DISC1: variants seen among roughly 807,000 people sequenced by gnomAD.
DISC1 encodes disrupted in schizophrenia 1 protein.
DISC1 carries 57 observed loss-of-function variants against 84.5 expected under a neutral mutation model. The ratio of observed to expected loss-of-function variants is 0.67; its 90% confidence interval spans 0.55 to 0.84. DISC1 has a LOEUF of 0.84. Among genes scored for constraint, DISC1 ranks in the 40% least tolerant of loss-of-function variants. DISC1 has a pLI of 0.00. For synonymous variants in DISC1, 411 were observed against 415.2 expected (o/e 0.99, Z 0.12); for missense variants, 1,000 against 1,057.8 (o/e 0.95, Z 0.76).
At chr1:231,652,523 A>G (rs1207563832) in intron 1 of DISC1, among the ~76,000 whole-genome samples, 1 of 152,172 alleles carries the variant, frequency 6.6e-6, no homozygotes, top group African/African-American at 2.4e-5. Context: ...TGTTGTTTTT[A>G]TATTTAAAAA....
At chr1:231,973,408 G>A (rs905549270) in intron 10 of DISC1, among the ~76,000 whole-genome samples, 1 of 152,342 alleles carries the variant, frequency 6.6e-6, no homozygotes, top group Non-Finnish European at 1.5e-5. Flanking sequence ...ACAACCTCAT[G>A]CAAAGGTCTC....
At chr1:231,749,839 C>G (rs2074410828) in intron 3 of DISC1, 87 bp from the exon 4 acceptor site, 1 of 1,579,194 alleles carries the variant, frequency 6.3e-7, no homozygotes, top group South Asian at 1.1e-5. Flanking sequence ...CAAAGGTTCA[C>G]TACAACTGGA....
At chr1:231,858,840 A>G (rs1368232567) in intron 9 of DISC1, among the ~76,000 whole-genome samples, 1 of 152,214 alleles carries the variant, frequency 6.6e-6, no homozygotes, top group Admixed American at 6.5e-5. Flanking sequence ...GGGAAAGTAG[A>G]AACCTCAGAG....
chr1:231,938,768 C>T (rs183529326), intron 9 of DISC1, among the ~76,000 whole-genome samples: 62 of 152,306 alleles, frequency 4.1e-4, no homozygotes, highest in African/African-American at 1.3e-3. Flanking sequence ...TCAATTAATC[C>T]TATAAACTGA....
chr1:231,909,952 G>A (rs1375122494), intron 9 of DISC1, among the ~76,000 whole-genome samples: 1 of 152,180 alleles, frequency 6.6e-6, no homozygotes, highest in East Asian at 1.9e-4. Flanking sequence ...AGATTTTCTA[G>A]TTTATTTGCA....
chr1:231,894,146 A>T (rs1356947603), intron 9 of DISC1, among the ~76,000 whole-genome samples: 1 of 152,246 alleles, frequency 6.6e-6, no homozygotes, highest in East Asian at 1.9e-4. Flanking sequence ...TATAAACTTT[A>T]AAATGGTCCC....
intron 10 of DISC1, among the ~76,000 whole-genome samples, chr1:231,969,416 C>T (rs1661601400): frequency 6.6e-6 from 1 of 151,820 alleles, no homozygotes; most frequent in Non-Finnish European, 1.5e-5. Context: ...ATTGACAGAG[C>T]TCAAAGTTCC....
intron 3 of DISC1, among the ~76,000 whole-genome samples, chr1:231,713,779 GAT>G (rs370490354): frequency 2.9e-5 from 3 of 103,964 alleles, no homozygotes; most frequent in Admixed American, 2.0e-4. Flanking sequence ...ATATATAGGA[GAT>G]ATATATATAG....
At chr1:231,962,953 T>G (rs1253483240) in intron 10 of DISC1, among the ~76,000 whole-genome samples, 1 of 152,118 alleles carries the variant, frequency 6.6e-6, no homozygotes, top group Non-Finnish European at 1.5e-5. Flanking sequence ...CTGCCTACCT[T>G]TATCACACTG....
chr1:231,877,971 A>G (rs1001807620), intron 9 of DISC1, among the ~76,000 whole-genome samples: 1 of 152,240 alleles, frequency 6.6e-6, no homozygotes, highest in Non-Finnish European at 1.5e-5. Context: ...GATGAAGACA[A>G]ATGAACTCAA....
intron 11 of DISC1, among the ~76,000 whole-genome samples, chr1:232,012,293 G>A (rs1251556379): frequency 6.6e-6 from 1 of 152,114 alleles, no homozygotes; most frequent in Non-Finnish European, 1.5e-5. Context: ...GTAGACATGA[G>A]CAATGAGTTA....
chr1:231,759,079 A>T (rs1308514215), intron 4 of DISC1, among the ~76,000 whole-genome samples: 1 of 152,216 alleles, frequency 6.6e-6, no homozygotes, highest in South Asian at 2.1e-4. Context: ...GCCTGTCCAC[A>T]TATTTCCCAC....
At chr1:231,728,890 C>CGT (rs1367643188) in intron 3 of DISC1, among the ~76,000 whole-genome samples, 1 of 152,136 alleles carries the variant, frequency 6.6e-6, no homozygotes, top group African/African-American at 2.4e-5. Context: ...ATGTGCACAA[C>CGT]GTGCAGGTTT....
chr1:231,951,231 T>C (rs573703711), intron 9 of DISC1, among the ~76,000 whole-genome samples: 39 of 152,326 alleles, frequency 2.6e-4, no homozygotes, highest in African/African-American at 7.7e-4. Context: ...TTAATCTTAC[T>C]TCCACATTCA....
intron 9 of DISC1, among the ~76,000 whole-genome samples, chr1:231,871,400 TTTAA>T: frequency 6.6e-6 from 1 of 152,282 alleles, no homozygotes; most frequent in South Asian, 2.1e-4. Flanking sequence ...TTATCCTTAC[TTTAA>T]TTAATACATT....
chr1:231,728,353 C>T (rs574665731), intron 3 of DISC1, among the ~76,000 whole-genome samples: 3 of 152,304 alleles, frequency 2.0e-5, no homozygotes, highest in South Asian at 2.1e-4. Context: ...GCACACAGTG[C>T]GGTAGATGTT....
chr1:231,956,643 T>G (rs964416286), intron 9 of DISC1, among the ~76,000 whole-genome samples: 1 of 152,182 alleles, frequency 6.6e-6, no homozygotes, highest in African/African-American at 2.4e-5. Context: ...ATCCCCAAAC[T>G]TAATGACTTA....
chr1:231,793,512 G>A (rs374353688), intron 6 of DISC1, among the ~76,000 whole-genome samples: 4 of 152,196 alleles, frequency 2.6e-5, no homozygotes, highest in South Asian at 2.1e-4. Flanking sequence ...GAGCATCCAC[G>A]TAATCCAGTC....
At chr1:231,956,327 A>G (rs1328930649) in intron 9 of DISC1, among the ~76,000 whole-genome samples, 1 of 152,166 alleles carries the variant, frequency 6.6e-6, no homozygotes, top group African/African-American at 2.4e-5. Context: ...TTGGTCACAT[A>G]AATTTGTCAT....
Sources: allele counts gnomAD v4.1 joint callset (sites outside exome capture counted in the v4.1 genomes callset), GRCh38; gene constraint gnomAD v4.1.1; transcripts MANE v1.5; gene names NCBI Gene and HGNC (gene_info 2026-07-23, HGNC 2026-07-21).